ITGB8: variants seen among roughly 807,000 people sequenced by gnomAD.
ITGB8 encodes integrin beta-8.
ITGB8 carries 30 observed loss-of-function variants against 89.5 expected under a neutral mutation model. That is an observed-to-expected ratio of 0.34 (90% confidence interval 0.25 to 0.45). The LOEUF (loss-of-function observed/expected upper bound fraction) is 0.45. ITGB8 is among the 20% of genes least tolerant of loss of function. The pLI is 1.00. For missense variants in ITGB8, 836 were observed against 933.3 expected, an observed-to-expected ratio of 0.90 and a Z score of 1.36; for synonymous variants, 335 against 320.4, an observed-to-expected ratio of 1.05 and a Z score of -0.49.
chr7:20,366,964 T>A, intron 2 of ITGB8, 48 bp from the exon 3 acceptor site: 1 of 1,296,596 alleles, frequency 7.7e-7, no homozygotes, highest in Non-Finnish European at 1.1e-6. Flanking sequence ...TCTTTGGATG[T>A]AATTGATATA....
chr7:20,383,376 T>C (rs1053361173), intron 6 of ITGB8, among the ~76,000 whole-genome samples: 7 of 152,202 alleles, frequency 4.6e-5, no homozygotes, highest in African/African-American at 1.7e-4. Context: ...TTATTTCACT[T>C]TGACAGACCC....
intron 6 of ITGB8, among the ~76,000 whole-genome samples, chr7:20,390,221 T>A (rs78564019): frequency 0.011 from 1,619 of 152,260 alleles, 32 homozygotes; most frequent in African/African-American, 0.038. Context: ...AACTTAAATG[T>A]TATGATACTA....
rs1784506598 is a variant in ITGB8, at chr7:20,334,305, A to G, written c.127+2372A>G. 2.6e-5 allele frequency among the ~76,000 whole-genome samples: 4 copies of G among 152,200 alleles called. No homozygotes were observed. The South Asian group carries it at 8.3e-4, about 31-fold the overall frequency. ...AACCAGAAAAACATAAAGTATATCT[A>G]GTGGTTAATATTTGAAGAGTTAATG... On this transcript the variant is annotated intron_variant, in intron 1 of 13. Coordinates refer to ENST00000222573, the MANE Select transcript of ITGB8 (RefSeq NM_002214.3).
chr7:20,407,958 G>T (rs147505482), intron 12 of ITGB8, among the ~76,000 whole-genome samples: 1,718 of 152,284 alleles, frequency 0.011, 41 homozygotes, highest in African/African-American at 0.038. Flanking sequence ...GCTAGGGGCT[G>T]CCCCTCCCTT....
chr7:20,379,340 T>A (rs1786279793), intron 4 of ITGB8, 43 bp downstream of exon 4: 1 of 1,337,596 alleles, frequency 7.5e-7, no homozygotes, highest in Non-Finnish European at 9.9e-7. Context: ...AATTTTTTGC[T>A]TATAAAATCT....
chr7:20,366,888 A>G (rs1562671347), intron 2 of ITGB8, 124 bp from the exon 3 acceptor site: 6 of 627,484 alleles, frequency 9.6e-6, no homozygotes, highest in Non-Finnish European at 1.6e-5. Context: ...AATAGTAAAA[A>G]CATAAGGATT....
intron 1 of ITGB8, chr7:20,346,894 G>A: frequency 3.1e-6 from 3 of 974,330 alleles, no homozygotes; most frequent in South Asian, 4.8e-5. Context: ...TTATGCTATG[G>A]TCTAAATGTT....
chr7:20,349,224 A>T (rs1785031440), intron 1 of ITGB8, among the ~76,000 whole-genome samples: 1 of 152,118 alleles, frequency 6.6e-6, no homozygotes, highest in South Asian at 2.1e-4. Flanking sequence ...ATTTAGTGTC[A>T]TATTTGGCAT....
intron 8 of ITGB8, among the ~76,000 whole-genome samples, chr7:20,398,524 A>C (rs1787179938): frequency 6.6e-6 from 1 of 152,182 alleles, no homozygotes; most frequent in African/African-American, 2.4e-5. Context: ...GTTTAATTAC[A>C]CTTTATCATA....
chr7:20,330,020 GCTGCTGT>G (rs1390549619), upstream of ITGB8, among the ~76,000 whole-genome samples: 1 of 152,166 alleles, frequency 6.6e-6, no homozygotes, highest in East Asian at 1.9e-4. Context: ...TCCCCGCTTT[GCTGCTGT>G]CTGTAACTTT....
intron 1 of ITGB8, among the ~76,000 whole-genome samples, chr7:20,332,925 CT>C (rs34506325): frequency 1.1e-3 from 162 of 142,940 alleles, no homozygotes; most frequent in Non-Finnish European, 1.2e-3. Flanking sequence ...GTCATACTTT[CT>C]TTTTTTTTTT....
intron 1 of ITGB8, among the ~76,000 whole-genome samples, chr7:20,343,982 T>C (rs1784843537): frequency 6.6e-6 from 1 of 152,186 alleles, no homozygotes; most frequent in Non-Finnish European, 1.5e-5. Context: ...CATTTGCAAA[T>C]TTTCACCATT....
rs1009225549 is a variant in ITGB8, at chr7:20,409,670, A to G, written c.2079A>G (p.Thr693=). The change falls in exon 13 of 14, where the codon ACA becomes ACG. Residue 693 remains threonine, a synonymous_variant. Transcript: ENST00000222573. ...LRIFFIIFIV[T]FLIGLLKVLI... is the part of the protein sequence containing the mutation. ...TATTTTTCATCATTTTCATAGTTAC[A>G]TTCTTGATTGGGTTGCTTAAAGTCC... 1 of 1,611,548 alleles carries G rather than the reference A, an allele frequency of 6.2e-7. No homozygotes were observed. The highest frequency in any genetic ancestry group is 2.2e-5 in the East Asian group (1 of 44,768).
rs1379045477 is a variant in ITGB8, at chr7:20,410,538, C to G, written c.*541C>G. On this transcript the variant is annotated 3_prime_UTR_variant, in exon 14 of 14. Transcript: ENST00000222573. The stretch of plus-strand genomic sequence containing the variant: ...CTTTCAAGAGGTGAACAGATACAAC[C>G]TTAATCTTAAAAGATTATTGCTTTT... The G allele has an allele frequency of 6.6e-6, 1 of 152,428 alleles. No individual in the cohort carries two copies. The highest frequency in any genetic ancestry group is 1.9e-4 in the East Asian group (1 of 5,210). 9.4% of individuals were successfully genotyped at this position (152,428 alleles called of 1,614,324 possible).
At chr7:20,405,992 C>A in intron 11 of ITGB8, 70 bp from the exon 12 acceptor site, 1 of 892,338 alleles carries the variant, frequency 1.1e-6, no homozygotes, top group South Asian at 1.5e-5. Flanking sequence ...CTTTTTTTTT[C>A]TTGCAGAAAA....
rs111427968 is a variant in ITGB8 at position 20,412,013 on chromosome 7, G to A, written c.*2016G>A. ...CCCATGACAACAAAGGAATCTATCC[G>A]AAATATCTTTTTTTTTATAATAAAC... On this transcript the variant is annotated 3_prime_UTR_variant, in exon 14 of 14. Coordinates refer to ENST00000222573, the MANE Select transcript of ITGB8 (RefSeq NM_002214.3). The A allele has an allele frequency of 3.3e-4, 50 of 152,688 alleles. No individual in the cohort carries two copies. The highest frequency in any genetic ancestry group is 1.1e-3 in the African/African-American group (44 of 41,552). 9.5% of individuals were successfully genotyped at this position (152,688 alleles called of 1,614,324 possible).
intron 8 of ITGB8, among the ~76,000 whole-genome samples, chr7:20,397,756 GAA>G (rs991287983): frequency 6.6e-6 from 1 of 152,162 alleles, no homozygotes; most frequent in Non-Finnish European, 1.5e-5. Flanking sequence ...GAAATTAGAG[GAA>G]AGTCTCTTGT....
rs565130678 is a variant in ITGB8, at chr7:20,398,626, T to TA, written c.1147-226dup. Among the ~76,000 whole-genome samples, 37 of 152,074 alleles carry TA rather than the reference T, an allele frequency of 2.4e-4. No individual in the cohort carries two copies. In the East Asian group the frequency reaches 2.9e-3, roughly 12 times the overall value. On this transcript the variant is annotated intron_variant, in intron 8 of 13. Transcript: ENST00000222573. ...CTCAAAATGCAGTCATGGAAATATG[T>TA]AAAAAAAATAGAACAATTTGAATGC... is the stretch of plus-strand genomic sequence containing the variant.
intron 2 of ITGB8, chr7:20,365,906 T>C (rs1183582607): frequency 2.0e-5 from 3 of 151,236 alleles, no homozygotes; most frequent in East Asian, 1.9e-4. Flanking sequence ...TTTTTTTTTT[T>C]CTCCCCATGA....
Sources: allele counts gnomAD v4.1 joint callset (sites outside exome capture counted in the v4.1 genomes callset), GRCh38; gene constraint gnomAD v4.1.1; transcripts MANE v1.5; gene names NCBI Gene and HGNC (gene_info 2026-07-23, HGNC 2026-07-21).